Variants in CERS3 observed in about 807,000 individuals in gnomAD.
CERS3 encodes LAG1 homolog, ceramide synthase 3.
A neutral mutation model predicts 50.3 loss-of-function variants in CERS3; 33 were observed. The ratio of observed to expected loss-of-function variants is 0.66; its 90% CI spans 0.50 to 0.88. The LOEUF (loss-of-function observed/expected upper bound fraction) is 0.88. CERS3 is among the 40% of genes least tolerant of loss of function. CERS3 has a pLI of 0.00. For missense variants in CERS3, 470 were observed against 460.3 expected, an observed-to-expected ratio of 1.02 and a Z score of -0.19; for synonymous variants, 176 against 155.2, an observed-to-expected ratio of 1.13 and a Z score of -0.99.
chr15:100,474,845 G>A (rs2035078163), intron 8 of CERS3, among the ~76,000 whole-genome samples: 2 of 152,210 alleles, frequency 1.3e-5, no homozygotes, highest in African/African-American at 2.4e-5. Context: ...AGTGCGTGGT[G>A]AAGCCAGGAA....
At position 100,443,761 on chromosome 15, in the gene CERS3, G is replaced by A. The variant is rs532253915; in HGVS notation, c.999+12132C>T. On this transcript the variant is annotated intron_variant, in intron 11 of 11. Coordinates refer to ENST00000679737, the MANE Select transcript of CERS3 (RefSeq NM_001378789.1). ...TAAAGACACACGTGCTCTCCCTGCC[G>A]ATAGTGTCCGACTGATCTCTCAAAC... 5.8e-4 allele frequency among the ~76,000 whole-genome samples: 88 copies of A among 151,966 alleles called. 1 individual carries two copies. Among genetic ancestry groups the A allele is most frequent in the African/African-American group, 2.0e-3 (83 of 41,454 alleles).
chr15:100,495,042 C>T (rs556462456), intron 3 of CERS3, among the ~76,000 whole-genome samples: 1 of 152,318 alleles, frequency 6.6e-6, no homozygotes, highest in African/African-American at 2.4e-5. Flanking sequence ...GACAAACACC[C>T]TCAGGGAAAA....
At chr15:100,526,513 T>TGTGTGTGTGTGTGTGTGTGA (rs71151963) in intron 1 of CERS3, among the ~76,000 whole-genome samples, 2 of 151,538 alleles carry the variant, frequency 1.3e-5, no homozygotes, top group Non-Finnish European at 2.9e-5. Context: ...TGTGTGTGTG[T>TGTGTGTGTGTGTGTGTGTGA]AAAAACAACT....
chr15:100,444,535 G>A (rs28834392), intron 11 of CERS3, among the ~76,000 whole-genome samples: 2,706 of 150,496 alleles, frequency 0.018, 29 homozygotes, highest in East Asian at 0.034. Flanking sequence ...AAGGCAGGCT[G>A]TGCTATAGTA....
intron 1 of CERS3, chr15:100,544,593 C>T (rs1006663395): frequency 6.6e-6 from 1 of 152,488 alleles, no homozygotes; most frequent in East Asian, 1.9e-4. Flanking sequence ...TGAGCAGGGC[C>T]CGATGCCCTC....
In CERS3 at chr15:100,495,979, C is replaced by G. The variant is rs978259; in HGVS notation, c.174-5048G>C. 4.0e-4 allele frequency among the ~76,000 whole-genome samples: 61 copies of G among 152,200 alleles called. 1 individual carries two copies. Among genetic ancestry groups the G allele is most frequent in the Admixed American group, 3.2e-3 (49 of 15,280 alleles). ...AACCACTCATCTATTTTCTGTTTTT[C>G]TAGTTTGCCTTTTTGAATATTTAAT... On this transcript the variant is annotated intron_variant, in intron 3 of 11. Transcript: ENST00000679737.
intron 4 of CERS3, 144 bp from the exon 5 acceptor site, chr15:100,484,812 C>T: frequency 1.5e-6 from 1 of 645,522 alleles, no homozygotes; most frequent in East Asian, 2.7e-5. Context: ...AGGGAATTTA[C>T]CTCTTTTGCT....
chr15:100,452,848 A>G (rs1020790029), intron 11 of CERS3, among the ~76,000 whole-genome samples: 1 of 152,166 alleles, frequency 6.6e-6, no homozygotes, highest in Non-Finnish European at 1.5e-5. Context: ...TATAAAGATT[A>G]TCAGAAACTA....
At chr15:100,446,277 T>A (rs961994735) in intron 11 of CERS3, among the ~76,000 whole-genome samples, 7 of 152,116 alleles carry the variant, frequency 4.6e-5, no homozygotes, top group African/African-American at 1.4e-4. Flanking sequence ...AAAGTTTTTT[T>A]TTTTTGGCAC....
Position 100,479,463 on chromosome 15 carries a change from CAT to C in CERS3, c.479_480del (p.Tyr160Ter). ...TAGCCATTCCAAACCTCCCATAAGT[CAT>C]ATAGCCAAGGTTTCTGAAAGAAGAA... ...IAFLYDKPWLYDLWEVWNGYP... is the reference protein window; with the variant it reads ...IAFLYDKPWLXDLWEVWNGYP... On this transcript the variant is annotated frameshift_variant, in exon 7 of 12. Coordinates refer to ENST00000679737, the MANE Select transcript of CERS3 (RefSeq NM_001378789.1). LOFTEE classifies it high-confidence loss of function. The C allele has an allele frequency of 2.5e-6, 4 of 1,597,172 alleles. No homozygotes were observed. Among genetic ancestry groups the C allele is most frequent in the Non-Finnish European group, 3.4e-6 (4 of 1,173,236 alleles).
At chr15:100,544,502 C>CCCTCTCTCGGCCTAGGT (rs1555539134) in intron 1 of CERS3, 2 of 151,716 alleles carry the variant, frequency 1.3e-5, no homozygotes, top group South Asian at 2.1e-4. Context: ...TCGACCTGGG[C>CCCTCTCTCGGCCTAGGT]CTGCGCGGGG....
At chr15:100,528,308 T>G (rs2036851995) in intron 1 of CERS3, among the ~76,000 whole-genome samples, 1 of 152,174 alleles carries the variant, frequency 6.6e-6, no homozygotes, top group African/African-American at 2.4e-5. Context: ...GGTGAGCAAG[T>G]CCCACCTTGT....
intron 11 of CERS3, among the ~76,000 whole-genome samples, chr15:100,409,503 A>AT (rs2031310862): frequency 6.6e-6 from 1 of 152,158 alleles, no homozygotes; most frequent in Admixed American, 6.5e-5. Context: ...GCAACTGCAG[A>AT]TTTTTTCCAG....
chr15:100,529,636 C>T (rs2036890160), upstream of CERS3, among the ~76,000 whole-genome samples: 1 of 152,144 alleles, frequency 6.6e-6, no homozygotes, highest in African/African-American at 2.4e-5. Context: ...AGTGTGGATG[C>T]ATTTTATAGT....
At chr15:100,508,055 C>T (rs996672966) in intron 2 of CERS3, among the ~76,000 whole-genome samples, 2 of 152,218 alleles carry the variant, frequency 1.3e-5, no homozygotes, top group African/African-American at 4.8e-5. Flanking sequence ...GCATCTTCCA[C>T]ACCCTCCTTT....
chr15:100,432,961 G>C (rs1050699144), intron 11 of CERS3, among the ~76,000 whole-genome samples: 1 of 152,150 alleles, frequency 6.6e-6, no homozygotes, highest in East Asian at 1.9e-4. Flanking sequence ...TTCAGGCCGG[G>C]TGCAGTGGCT....
intron 4 of CERS3, among the ~76,000 whole-genome samples, chr15:100,488,331 G>C (rs1172250890): frequency 6.6e-6 from 1 of 152,168 alleles, no homozygotes; most frequent in Non-Finnish European, 1.5e-5. Flanking sequence ...ATCAAGTCAG[G>C]TGTTATCTAC....
At chr15:100,493,236 T>C (rs2035704194) in intron 3 of CERS3, among the ~76,000 whole-genome samples, 1 of 152,242 alleles carries the variant, frequency 6.6e-6, no homozygotes, top group African/African-American at 2.4e-5. Context: ...ACTTTTTGTA[T>C]GCTAGGCCCA....
chr15:100,420,027 A>G (rs1268680915), intron 11 of CERS3, among the ~76,000 whole-genome samples: 3 of 143,106 alleles, frequency 2.1e-5, no homozygotes, highest in East Asian at 4.1e-4. Flanking sequence ...AAGAACTAGA[A>G]AAGCAAGAGC....
Sources: gnomAD v4.1 joint callset for allele counts (sites outside exome capture counted in the v4.1 genomes callset) on GRCh38, gnomAD v4.1.1 for gene constraint, MANE v1.5 for transcripts, NCBI Gene and HGNC (gene_info 2026-07-23, HGNC 2026-07-21) for gene names.